The following PEBP4 variants were observed in gnomAD, a reference collection of about 807,000 sequenced individuals.
The protein encoded by PEBP4 is phosphatidylethanolamine binding protein 4.
In PEBP4, 22 loss-of-function variants were observed where a neutral mutation model predicts 23.9. The ratio of observed to expected loss-of-function variants is 0.92; its 90% CI spans 0.66 to 1.31. The LOEUF is 1.31. PEBP4 is among the 40% of genes most tolerant of loss of function. The pLI, the probability that PEBP4 is intolerant of heterozygous loss-of-function variation, is 0.00. For missense variants in PEBP4, 324 were observed against 281.7 expected (o/e 1.15, Z -1.07); for synonymous variants, 112 against 99.3 (o/e 1.13, Z -0.76).
chr8:22,718,366 A>G (rs1460293845), intron 6 of PEBP4, among the ~76,000 whole-genome samples: 2 of 152,122 alleles, frequency 1.3e-5, no homozygotes, highest in Non-Finnish European at 2.9e-5. Flanking sequence ...ATAAATTCCA[A>G]TATTTGGTAG....
chr8:22,737,782 T>G (rs899828624), intron 4 of PEBP4, among the ~76,000 whole-genome samples: 1 of 152,212 alleles, frequency 6.6e-6, no homozygotes, highest in Admixed American at 6.5e-5. Flanking sequence ...ACCTATAAAG[T>G]GGCGATGATA....
intron 4 of PEBP4, among the ~76,000 whole-genome samples, chr8:22,812,390 C>T (rs1312391512): frequency 6.6e-6 from 1 of 152,244 alleles, no homozygotes; most frequent in Non-Finnish European, 1.5e-5. Context: ...AGCTCTTTCC[C>T]TTTCCCTTCA....
chr8:22,745,189 T>C (rs1805086320), intron 4 of PEBP4, among the ~76,000 whole-genome samples: 1 of 152,212 alleles, frequency 6.6e-6, no homozygotes, highest in African/African-American at 2.4e-5. Flanking sequence ...TCCTGGGTTA[T>C]GCCCGGGCCT....
intron 3 of PEBP4, among the ~76,000 whole-genome samples, chr8:22,818,345 G>A (rs548541194): frequency 6.6e-4 from 101 of 152,278 alleles, no homozygotes; most frequent in African/African-American, 2.2e-3. Flanking sequence ...GCAAGGGAAC[G>A]TGTGAGTAGT....
At chr8:22,838,899 G>A (rs964386076) in intron 3 of PEBP4, among the ~76,000 whole-genome samples, 8 of 152,236 alleles carry the variant, frequency 5.3e-5, no homozygotes, top group African/African-American at 1.2e-4. Flanking sequence ...GACTGTCATC[G>A]TGTGCTGTCC....
chr8:22,906,426 C>A (rs1808815115), intron 3 of PEBP4, among the ~76,000 whole-genome samples: 1 of 152,214 alleles, frequency 6.6e-6, no homozygotes, highest in South Asian at 2.1e-4. Flanking sequence ...ATGTGTCCAG[C>A]CTTGTAATTT....
At chr8:22,792,885 G>C (rs771951212) in intron 4 of PEBP4, among the ~76,000 whole-genome samples, 1 of 152,132 alleles carries the variant, frequency 6.6e-6, no homozygotes, top group African/African-American at 2.4e-5. Context: ...AAATGCTCCC[G>C]AAAGAAACCA....
intron 3 of PEBP4, among the ~76,000 whole-genome samples, chr8:22,860,867 C>T (rs760533117): frequency 2.6e-5 from 4 of 152,232 alleles, no homozygotes; most frequent in Non-Finnish European, 5.9e-5. Context: ...ACAGCCCTGA[C>T]TGTCCATGTT....
intron 6 of PEBP4, among the ~76,000 whole-genome samples, chr8:22,715,902 G>T (rs1224856957): frequency 1.3e-5 from 2 of 152,200 alleles, no homozygotes; most frequent in African/African-American, 4.8e-5. Flanking sequence ...TGCGGCTTCT[G>T]TGGTCACCGC....
chr8:22,728,279 C>T lies in PEBP4; in HGVS notation c.358-1059G>A, dbSNP rs569568397. Among the ~76,000 whole-genome samples, 25 of 152,272 alleles carry T rather than the reference C, an allele frequency of 1.6e-4. No individual in the cohort carries two copies. In the South Asian group the frequency reaches 3.5e-3, roughly 21 times the overall value. ...AGAACTAAAGTCCTACTCGCTCAGT[C>T]CAGAACCCACCAGATCTCCTACCTT... On this transcript the variant is annotated intron_variant, in intron 4 of 6. Coordinates refer to ENST00000256404, the MANE Select transcript of PEBP4 (RefSeq NM_144962.3).
chr8:22,826,416 T>G (rs1806969659), intron 3 of PEBP4, among the ~76,000 whole-genome samples: 1 of 152,214 alleles, frequency 6.6e-6, no homozygotes, highest in African/African-American at 2.4e-5. Flanking sequence ...ACTAAAGATA[T>G]CTGCACACTT....
intron 5 of PEBP4, among the ~76,000 whole-genome samples, chr8:22,726,104 C>A (rs1804619597): frequency 6.6e-6 from 1 of 152,014 alleles, no homozygotes; most frequent in Non-Finnish European, 1.5e-5. Flanking sequence ...GGAGGTCCCA[C>A]TCGGGGTGGG....
intron 4 of PEBP4, among the ~76,000 whole-genome samples, chr8:22,759,030 G>A (rs1412441661): frequency 6.6e-6 from 1 of 152,180 alleles, no homozygotes; most frequent in Non-Finnish European, 1.5e-5. Context: ...GAGGGCCATG[G>A]GAAACAGCTG....
At chr8:22,848,192 T>C (rs935650634) in intron 3 of PEBP4, among the ~76,000 whole-genome samples, 1 of 152,194 alleles carries the variant, frequency 6.6e-6, no homozygotes, top group African/African-American at 2.4e-5. Context: ...AGAGCTATAA[T>C]AGACAACGAG....
chr8:22,741,368 C>T (rs1804990867), intron 4 of PEBP4, among the ~76,000 whole-genome samples: 1 of 152,202 alleles, frequency 6.6e-6, no homozygotes, highest in South Asian at 2.1e-4. Context: ...CTGCTGGGGT[C>T]CAAGGCCCTG....
chr8:22,883,287 A>G (rs1355535404), intron 3 of PEBP4, among the ~76,000 whole-genome samples: 3 of 152,224 alleles, frequency 2.0e-5, no homozygotes, highest in Non-Finnish European at 4.4e-5. Flanking sequence ...AGGAGGCAGC[A>G]GAAAGTCCCA....
chr8:22,901,777 C>T (rs1368370229), intron 3 of PEBP4, among the ~76,000 whole-genome samples: 2 of 152,120 alleles, frequency 1.3e-5, no homozygotes, highest in African/African-American at 4.8e-5. Context: ...GCGAGGGCAC[C>T]GTTCTGTGAC....
chr8:22,901,049 G>T (rs1180828070), intron 3 of PEBP4, among the ~76,000 whole-genome samples: 7 of 152,188 alleles, frequency 4.6e-5, no homozygotes. Flanking sequence ...GGGTGGTTTT[G>T]TGTAGAAGCA....
intron 4 of PEBP4, among the ~76,000 whole-genome samples, chr8:22,786,125 T>C (rs1806022119): frequency 6.6e-6 from 1 of 152,178 alleles, no homozygotes; most frequent in Non-Finnish European, 1.5e-5. Context: ...GCTTTTTGTC[T>C]CCCAGCAATA....
Sources: allele counts gnomAD v4.1 joint callset (sites outside exome capture counted in the v4.1 genomes callset), GRCh38; gene constraint gnomAD v4.1.1; transcripts MANE v1.5; gene names NCBI Gene and HGNC (gene_info 2026-07-23, HGNC 2026-07-21).